The following FGF10 variants were observed in gnomAD, a reference collection of about 807,000 sequenced individuals.
The protein encoded by FGF10 is FGF-10.
A neutral mutation model predicts 19.8 loss-of-function variants in FGF10; 2 were observed. The observed-to-expected ratio is 0.10, with a 90% CI of 0.04 to 0.32. The LOEUF (loss-of-function observed/expected upper bound fraction) is 0.32. Among genes scored for constraint, FGF10 ranks in the 10% least tolerant of loss-of-function variants. The probability of loss-of-function intolerance (pLI) is 1.00; values close to 1 mark genes in which losing one functional copy is unlikely to be tolerated. For missense variants in FGF10, 191 were observed against 246.3 expected, an observed-to-expected ratio of 0.78 and a Z score of 1.50; for synonymous variants, 112 against 94.0, an observed-to-expected ratio of 1.19 and a Z score of -1.10.
At chr5:44,332,846 CAGA>C (rs927565346) in intron 1 of FGF10, among the ~76,000 whole-genome samples, 1 of 151,668 alleles carries the variant, frequency 6.6e-6, no homozygotes, top group African/African-American at 2.4e-5. Flanking sequence ...GAAAAAGAAA[CAGA>C]AGGAGGGGAA....
intron 1 of FGF10, among the ~76,000 whole-genome samples, chr5:44,324,612 G>A (rs1740570002): frequency 6.6e-6 from 1 of 152,040 alleles, no homozygotes; most frequent in Non-Finnish European, 1.5e-5. Context: ...AATCTGACTA[G>A]CTTATAAAGT....
At chr5:44,339,739 C>T (rs1439487449) in intron 1 of FGF10, among the ~76,000 whole-genome samples, 2 of 152,072 alleles carry the variant, frequency 1.3e-5, no homozygotes, top group Admixed American at 6.6e-5. Flanking sequence ...TGTTCAGCTC[C>T]TCACCTTCCC....
chr5:44,340,830 A>T (rs1178554731), intron 1 of FGF10, among the ~76,000 whole-genome samples: 1 of 151,432 alleles, frequency 6.6e-6, no homozygotes, highest in Non-Finnish European at 1.5e-5. Context: ...TTTGCTCAAA[A>T]GAAAAAAAAA....
intron 1 of FGF10, among the ~76,000 whole-genome samples, chr5:44,366,250 A>G (rs1741611379): frequency 6.8e-6 from 1 of 146,502 alleles, no homozygotes; most frequent in Non-Finnish European, 1.5e-5. Context: ...TAACATCCTG[A>G]TTTATCTTTT....
Position 44,389,313 on chromosome 5 carries a change from C to T in FGF10, c.-631G>A, listed in dbSNP as rs1237559490. On this transcript the variant is annotated 5_prime_UTR_variant, in exon 1 of 3. The change creates a new upstream start codon in the 5' untranslated region. Coordinates refer to ENST00000264664, the MANE Select transcript of FGF10 (RefSeq NM_004465.2). Reference sequence around the variant, plus strand: ...CCGATTTGAAGGCTGCCGAAAGTCACTTTTTGTTTTGGGGGACGGCGGCTG... The same window carrying T: ...CCGATTTGAAGGCTGCCGAAAGTCATTTTTTGTTTTGGGGGACGGCGGCTG... 1 of 157,810 alleles carries T rather than the reference C, an allele frequency of 6.3e-6. No homozygotes were observed. The highest frequency in any genetic ancestry group is 1.4e-5 in the Non-Finnish European group (1 of 71,438). The allele number at this position is 157,810 out of a possible 1,614,324, so 9.8% of individuals were successfully genotyped here. A position where few individuals can be genotyped will look rare whatever the true frequency, so the allele number is the denominator to read the frequency against.
intron 1 of FGF10, among the ~76,000 whole-genome samples, chr5:44,311,911 C>T (rs990759866): frequency 6.6e-6 from 1 of 152,062 alleles, no homozygotes; most frequent in Non-Finnish European, 1.5e-5. Context: ...ACCTTCTTTC[C>T]TATTCCTTCA....
At chr5:44,355,854 T>C (rs565265054) in intron 1 of FGF10, among the ~76,000 whole-genome samples, 1 of 151,568 alleles carries the variant, frequency 6.6e-6, no homozygotes, top group African/African-American at 2.4e-5. Flanking sequence ...TAAGTGGTAC[T>C]GTGGGTCAAA....
rs1214366775 is a variant in FGF10, at chr5:44,304,139, A to G, written c.*856T>C. 2 of 152,146 alleles carry G rather than the reference A, an allele frequency of 1.3e-5. No homozygotes were observed. Among genetic ancestry groups the G allele is most frequent in the Non-Finnish European group, 2.9e-5 (2 of 68,042 alleles). The allele number at this position is 152,146 out of a possible 1,614,324, so 9.4% of individuals were successfully genotyped here. A position where few individuals can be genotyped will look rare whatever the true frequency, so the allele number is the denominator to read the frequency against. On this transcript the variant is annotated 3_prime_UTR_variant, in exon 3 of 3. Coordinates refer to ENST00000264664, the MANE Select transcript of FGF10 (RefSeq NM_004465.2). ...CACAGCATTGCCATATTTATTGTTG[A>G]TGGTTATTACTGCAGAAGTGCAAAT...
intron 1 of FGF10, among the ~76,000 whole-genome samples, chr5:44,312,787 C>A (rs1005353805): frequency 6.6e-6 from 1 of 151,906 alleles, no homozygotes; most frequent in Non-Finnish European, 1.5e-5. Context: ...ATTAATAGAA[C>A]AAAGAGGAAT....
rs943529952 is a variant in FGF10 at position 44,301,558 on chromosome 5, A to G, written c.*3437T>C. 2.0e-5 allele frequency among the ~76,000 whole-genome samples: 3 copies of G among 152,206 alleles called. No individual in the cohort carries two copies. Among genetic ancestry groups the G allele is most frequent in the Non-Finnish European group, 2.9e-5 (2 of 68,024 alleles). On this transcript the variant is annotated 3_prime_UTR_variant, in exon 3 of 3. Coordinates refer to ENST00000264664, the MANE Select transcript of FGF10 (RefSeq NM_004465.2). ...CCTGGCTTTCCTCCAAAAGTCTTCC[A>G]TTGTTTCATAAGCCATCCTCGTTTC...
intron 1 of FGF10, among the ~76,000 whole-genome samples, chr5:44,354,849 T>C (rs1001452230): frequency 2.6e-5 from 4 of 151,508 alleles, no homozygotes; most frequent in Non-Finnish European, 5.9e-5. Context: ...AATCCAACAA[T>C]TAGTGCACAG....
At chr5:44,308,135 C>T (rs958008467) in intron 2 of FGF10, among the ~76,000 whole-genome samples, 2 of 152,052 alleles carry the variant, frequency 1.3e-5, no homozygotes, top group African/African-American at 4.8e-5. Flanking sequence ...AGAAAGCCAC[C>T]GGACTCTACT....
chr5:44,388,235 T>TA (rs1174831206), intron 1 of FGF10, 123 bp downstream of exon 1: 21 of 907,066 alleles, frequency 2.3e-5, no homozygotes, highest in Non-Finnish European at 3.8e-5. Context: ...GTATTCCACT[T>TA]AATCATTTTA....
At chr5:44,374,580 G>A (rs990821448) in intron 1 of FGF10, among the ~76,000 whole-genome samples, 6 of 152,142 alleles carry the variant, frequency 3.9e-5, no homozygotes, top group Admixed American at 3.9e-4. Flanking sequence ...CCAAGATAAA[G>A]TAAATGACCT....
In FGF10 at chr5:44,387,058, G is replaced by A. The variant is rs1413982671; in HGVS notation, c.325+1300C>T. Among the ~76,000 whole-genome samples, 3 of 152,254 alleles carry A rather than the reference G, an allele frequency of 2.0e-5. No individual in the cohort carries two copies. The East Asian group carries it at 5.8e-4, about 29-fold the overall frequency. On this transcript the variant is annotated intron_variant, in intron 1 of 2. Coordinates refer to ENST00000264664, the MANE Select transcript of FGF10 (RefSeq NM_004465.2). ...AAATGTCCCCTTTAAAGGTGACTTG[G>A]AATTTACCATTGAGATAATGCCAAA... is the stretch of plus-strand genomic sequence containing the variant.
At chr5:44,322,652 A>T (rs1740524311) in intron 1 of FGF10, among the ~76,000 whole-genome samples, 1 of 152,160 alleles carries the variant, frequency 6.6e-6, no homozygotes. Flanking sequence ...GTCAAGGCAG[A>T]ATATCTTGTA....
At chr5:44,364,720 G>A (rs189166023) in intron 1 of FGF10, among the ~76,000 whole-genome samples, 118 of 151,968 alleles carry the variant, frequency 7.8e-4, no homozygotes, top group Admixed American at 1.7e-3. Context: ...AATTGATGGC[G>A]TTATGGTGAA....
intron 1 of FGF10, among the ~76,000 whole-genome samples, chr5:44,369,264 C>T (rs1741691026): frequency 6.6e-6 from 1 of 152,048 alleles, no homozygotes; most frequent in African/African-American, 2.4e-5. Flanking sequence ...CAATAGAGGA[C>T]TTTTTTCTCA....
chr5:44,340,200 G>A (rs1174358668), intron 1 of FGF10, among the ~76,000 whole-genome samples: 1 of 152,074 alleles, frequency 6.6e-6, no homozygotes, highest in African/African-American at 2.4e-5. Context: ...CAGTGGAGGG[G>A]AAAAGCAGGA....
Sources: gnomAD v4.1 joint callset for allele counts (sites outside exome capture counted in the v4.1 genomes callset) on GRCh38, gnomAD v4.1.1 for gene constraint, MANE v1.5 for transcripts, NCBI Gene and HGNC (gene_info 2026-07-23, HGNC 2026-07-21) for gene names.